Variants in DNAH14 observed in about 807,000 individuals in gnomAD.
DNAH14 encodes the protein dynein axonemal heavy chain 14.
DNAH14 carries 478 observed loss-of-function variants against 520.9 expected under a neutral mutation model. That is an observed-to-expected ratio of 0.92 (90% CI 0.85 to 0.99). The LOEUF is 0.99. DNAH14 is among the 50% of genes least tolerant of loss of function. The probability of loss-of-function intolerance (pLI) is 0.00; values close to 1 mark genes in which losing one functional copy is unlikely to be tolerated. For missense variants in DNAH14, 4,831 were observed against 5,234.5 expected (o/e 0.92, Z 2.38); for synonymous variants, 1,581 against 1,757.2 (o/e 0.90, Z 2.51).
chr1:224,946,104 A>G (rs536233338), intron 1 of DNAH14, among the ~76,000 whole-genome samples: 31 of 152,318 alleles, frequency 2.0e-4, no homozygotes, highest in African/African-American at 7.5e-4. Context: ...CTACAGAGGC[A>G]GGCAGGCAGC....
At chr1:224,974,291 C>A in intron 8 of DNAH14, 138 bp downstream of exon 8, 1 of 476,370 alleles carries the variant, frequency 2.1e-6, no homozygotes, top group Non-Finnish European at 3.5e-6. Flanking sequence ...AAACTTAACC[C>A]ATTTTTATTT....
Position 225,318,533 on chromosome 1 carries a change from T to A in DNAH14, c.9241-50T>A, listed in dbSNP as rs1451334535. 3 of 1,452,978 alleles carry A rather than the reference T, an allele frequency of 2.1e-6. No homozygotes were observed. The East Asian group carries it at 7.5e-5, about 36-fold the overall frequency. The allele number at this position is 1,452,978 out of a possible 1,614,324, so 90.0% of individuals were successfully genotyped here. On this transcript the variant is annotated intron_variant, in intron 60 of 85. Coordinates refer to ENST00000682510, the MANE Select transcript of DNAH14 (RefSeq NM_001367479.1). Reference sequence around the variant, plus strand: ...GTTCAGCATACAAAAATTTTAAATATGCAACTATATTGATTCATATGTGTT... The same window carrying A: ...GTTCAGCATACAAAAATTTTAAATAAGCAACTATATTGATTCATATGTGTT...
In DNAH14 at chr1:225,343,132, G is replaced by C. The variant is rs184703138; in HGVS notation, c.10678+2431G>C. ...ACTGTTAGACATTTACCTTAATGTTGATATTTCTTCCCTAACAAATTGCTG... is the reference window on the plus strand; with the variant it reads ...ACTGTTAGACATTTACCTTAATGTTCATATTTCTTCCCTAACAAATTGCTG... On this transcript the variant is annotated intron_variant, in intron 69 of 85. Coordinates refer to ENST00000682510, the MANE Select transcript of DNAH14 (RefSeq NM_001367479.1). 3.9e-5 allele frequency among the ~76,000 whole-genome samples: 6 copies of C among 152,242 alleles called. No homozygotes were observed. The East Asian group carries it at 7.7e-4, about 20-fold the overall frequency.
chr1:225,181,152 C>G (rs1445269620), intron 36 of DNAH14, among the ~76,000 whole-genome samples: 1 of 152,070 alleles, frequency 6.6e-6, no homozygotes, highest in Non-Finnish European at 1.5e-5. Context: ...TATAAAGGAC[C>G]TGATTTCATT....
rs1313918308 is a variant in DNAH14 at position 225,080,688 on chromosome 1, G to GTAGA, written c.3077_3080dup (p.Glu1027AspfsTer24). 13 of 1,550,446 alleles carry GTAGA rather than the reference G, an allele frequency of 8.4e-6. No individual in the cohort carries two copies. The East Asian group carries it at 2.9e-4, about 35-fold the overall frequency. The stretch of plus-strand genomic sequence containing the variant: ...GAATAGTTCTCTTCAAAGTATTGAT[G>GTAGA]TAGAATCAGTACAGAGAAATGTTTC... On this transcript the variant is annotated frameshift_variant, in exon 19 of 86. Coordinates refer to ENST00000682510, the MANE Select transcript of DNAH14 (RefSeq NM_001367479.1). LOFTEE classifies it high-confidence loss of function.
chr1:225,182,981 C>G (rs2084228507), intron 36 of DNAH14, among the ~76,000 whole-genome samples: 1 of 152,180 alleles, frequency 6.6e-6, no homozygotes, highest in Admixed American at 6.5e-5. Flanking sequence ...GGGTGTGGCC[C>G]TGCATGAGAT....
intron 78 of DNAH14, among the ~76,000 whole-genome samples, chr1:225,375,763 A>C (rs370067524): frequency 5.7e-5 from 8 of 140,618 alleles, no homozygotes; most frequent in Non-Finnish European, 1.2e-4. Context: ...TTTTTTTTTT[A>C]AGATTTCCAT....
intron 1 of DNAH14, among the ~76,000 whole-genome samples, chr1:224,941,295 C>T (rs1236727727): frequency 1.3e-5 from 2 of 151,850 alleles, no homozygotes; most frequent in Non-Finnish European, 2.9e-5. Flanking sequence ...TTTCATGTGT[C>T]TTTTGGCTGC....
intron 41 of DNAH14, among the ~76,000 whole-genome samples, chr1:225,224,129 T>C (rs1293368772): frequency 6.6e-6 from 1 of 152,114 alleles, no homozygotes; most frequent in East Asian, 1.9e-4. Flanking sequence ...CTGGGTGATA[T>C]TAATTGGCTT....
chr1:225,165,574 G>GT (rs2081966896), intron 35 of DNAH14, among the ~76,000 whole-genome samples: 1 of 144,702 alleles, frequency 6.9e-6, no homozygotes, highest in African/African-American at 2.8e-5. Context: ...TGTTTGTTTG[G>GT]TTGGTTGGTT....
chr1:225,398,517 T>C lies in DNAH14; in HGVS notation c.13492-3T>C. On this transcript the variant is annotated splice_region_variant and splice_polypyrimidine_tract_variant and intron_variant, in intron 84 of 85. Coordinates refer to ENST00000682510, the MANE Select transcript of DNAH14 (RefSeq NM_001367479.1). Reference sequence around the variant, plus strand: ...CCCTGACACCACCTCTCTTCCATCTTAGGGCTCAGCTTCCTCTCACACTGG... The same window carrying C: ...CCCTGACACCACCTCTCTTCCATCTCAGGGCTCAGCTTCCTCTCACACTGG... 1 of 1,551,660 alleles carries C rather than the reference T, an allele frequency of 6.4e-7. No homozygotes were observed. The highest frequency in any genetic ancestry group is 8.7e-7 in the Non-Finnish European group (1 of 1,146,930).
In DNAH14 at chr1:225,034,515, T is replaced by TTGTGTG. The variant is rs71170047; in HGVS notation, c.1359-4149_1359-4144dup. Among the ~76,000 whole-genome samples the TTGTGTG allele has an allele frequency of 7.5e-3, 1,107 of 147,796 alleles. 22 individuals are homozygous for TTGTGTG. The highest frequency in any genetic ancestry group is 0.026 in the African/African-American group (1,036 of 39,464). On this transcript the variant is annotated intron_variant, in intron 11 of 85. Coordinates refer to ENST00000682510, the MANE Select transcript of DNAH14 (RefSeq NM_001367479.1). The stretch of plus-strand genomic sequence containing the variant: ...ATTCATCAAGGATATTGGCTTGAAT[T>TTGTGTG]TGTGTGTGTGTGTGTGTGTGTGTGT...
chr1:225,102,103 ATT>A (rs2075532382), intron 23 of DNAH14, among the ~76,000 whole-genome samples: 1 of 133,574 alleles, frequency 7.5e-6, no homozygotes, highest in Non-Finnish European at 1.5e-5. Flanking sequence ...ATGTGTTCTC[ATT>A]GTTCAATTCC....
intron 32 of DNAH14, 23 bp downstream of exon 32, chr1:225,152,096 G>C: frequency 1.3e-6 from 2 of 1,533,048 alleles, no homozygotes; most frequent in Non-Finnish European, 1.8e-6. Flanking sequence ...AAATCTAGTG[G>C]GAATAGACAC....
chr1:225,137,470 C>T (rs142225524), intron 27 of DNAH14, among the ~76,000 whole-genome samples: 164 of 152,290 alleles, frequency 1.1e-3, no homozygotes, highest in Non-Finnish European at 1.6e-3. Flanking sequence ...ATTCTCCTGC[C>T]TCAGCCTCCT....
intron 23 of DNAH14, among the ~76,000 whole-genome samples, chr1:225,103,395 A>G (rs1055663134): frequency 2.0e-5 from 3 of 152,128 alleles, no homozygotes; most frequent in Non-Finnish European, 4.4e-5. Flanking sequence ...TTCCATATGA[A>G]CTTTAAAGTA....
At chr1:225,148,830 G>C (rs574227928) in intron 31 of DNAH14, among the ~76,000 whole-genome samples, 3 of 151,858 alleles carry the variant, frequency 2.0e-5, no homozygotes, top group African/African-American at 7.2e-5. Flanking sequence ...GTTGCTTATA[G>C]ATTCTGGATA....
intron 10 of DNAH14, among the ~76,000 whole-genome samples, chr1:225,016,877 C>A (rs1282748642): frequency 1.3e-5 from 2 of 151,382 alleles, no homozygotes; most frequent in African/African-American, 4.9e-5. Flanking sequence ...TTTTTCAGTT[C>A]TAGGATTTCT....
intron 12 of DNAH14, among the ~76,000 whole-genome samples, chr1:225,041,199 G>T (rs2067452434): frequency 6.6e-6 from 1 of 152,168 alleles, no homozygotes; most frequent in Admixed American, 6.6e-5. Flanking sequence ...TCTAGTATCT[G>T]ACCTTGGTTT....
Sources: gnomAD v4.1 joint callset for allele counts (sites outside exome capture counted in the v4.1 genomes callset) on GRCh38, gnomAD v4.1.1 for gene constraint, MANE v1.5 for transcripts, NCBI Gene and HGNC (gene_info 2026-07-23, HGNC 2026-07-21) for gene names.